Variants in ACTR3C observed in about 807,000 individuals in gnomAD.
ACTR3C encodes actin related protein 3C, also known as actin-related protein 3C.
ACTR3C carries 18 observed loss-of-function variants against 26.3 expected under a neutral mutation model. That is an observed-to-expected ratio of 0.68 (90% CI 0.47 to 1.01). ACTR3C has a LOEUF of 1.01. Ranked by LOEUF, ACTR3C falls within the 50% of genes least tolerant of loss-of-function variation. The probability of loss-of-function intolerance (pLI) is 0.00; values close to 1 mark genes in which losing one functional copy is unlikely to be tolerated. For synonymous variants in ACTR3C, 55 were observed against 94.5 expected, an observed-to-expected ratio of 0.58 and a Z score of 2.42; for missense variants, 184 against 250.7, an observed-to-expected ratio of 0.73 and a Z score of 1.80.
the ACTR3C span, among the ~76,000 whole-genome samples, chr7:149,884,979 G>C: frequency 1.3e-5 from 2 of 152,180 alleles, no homozygotes; most frequent in African/African-American, 2.4e-5. Flanking sequence ...CCCTGACACT[G>C]TTGACAATTT....
At chr7:150,173,046 C>T in the ACTR3C span, among the ~76,000 whole-genome samples, 3 of 149,604 alleles carry the variant, frequency 2.0e-5, no homozygotes, top group African/African-American at 7.7e-5. Context: ...TCCAGGTGAA[C>T]GGTGCAAGCT....
At chr7:150,034,078 G>A in the ACTR3C span, among the ~76,000 whole-genome samples, 1 of 151,390 alleles carries the variant, frequency 6.6e-6, no homozygotes, top group African/African-American at 2.4e-5. Flanking sequence ...CGCGGGGGGT[G>A]CCTCCCACCC....
At chr7:150,179,030 G>A in the ACTR3C span, among the ~76,000 whole-genome samples, 2 of 149,374 alleles carry the variant, frequency 1.3e-5, no homozygotes, top group Non-Finnish European at 2.9e-5. Context: ...TTCTTCTGGG[G>A]ACTTTTCTGA....
the ACTR3C span, among the ~76,000 whole-genome samples, chr7:150,119,195 C>G: frequency 6.6e-6 from 1 of 152,102 alleles, no homozygotes; most frequent in Non-Finnish European, 1.5e-5. Context: ...GGCAAAATAA[C>G]CAGCTACCAT....
At chr7:150,062,568 G>A in the ACTR3C span, among the ~76,000 whole-genome samples, 1 of 151,114 alleles carries the variant, frequency 6.6e-6, no homozygotes, top group Non-Finnish European at 1.5e-5. Context: ...AATCATGGTA[G>A]GCAAGTCTGT....
the ACTR3C span, among the ~76,000 whole-genome samples, chr7:149,938,071 T>G: frequency 6.6e-6 from 1 of 152,178 alleles, no homozygotes; most frequent in Non-Finnish European, 1.5e-5. Flanking sequence ...CCCAGCTATC[T>G]TCCCTGGGCA....
At chr7:150,160,260 T>C in the ACTR3C span, among the ~76,000 whole-genome samples, 1 of 151,986 alleles carries the variant, frequency 6.6e-6, no homozygotes, top group Non-Finnish European at 1.5e-5. Flanking sequence ...GCCGGAGGGG[T>C]CCTTCAGTTA....
the ACTR3C span, among the ~76,000 whole-genome samples, chr7:150,220,373 C>A: frequency 6.9e-6 from 1 of 145,568 alleles, no homozygotes; most frequent in African/African-American, 2.8e-5. Flanking sequence ...AGGGTGGCGA[C>A]AGAGGTGCGC....
the ACTR3C span, among the ~76,000 whole-genome samples, chr7:149,888,771 G>A: frequency 6.6e-6 from 1 of 152,150 alleles, no homozygotes; most frequent in Non-Finnish European, 1.5e-5. Context: ...ACTTTGGGAG[G>A]CCAAGGCGGG....
At chr7:149,911,581 CT>C in the ACTR3C span, among the ~76,000 whole-genome samples, 1 of 151,376 alleles carries the variant, frequency 6.6e-6, no homozygotes, top group African/African-American at 2.4e-5. Flanking sequence ...GAAAAAGAAT[CT>C]GATGGAACCA....
the ACTR3C span, among the ~76,000 whole-genome samples, chr7:150,015,761 T>C: frequency 0.14 from 16,874 of 123,330 alleles, 327 homozygotes; most frequent in African/African-American, 0.25. Flanking sequence ...GCCTACTCCA[T>C]GCCACAGTGA....
the ACTR3C span, among the ~76,000 whole-genome samples, chr7:149,972,928 GCAGCA>G: frequency 6.6e-6 from 1 of 151,268 alleles, no homozygotes; most frequent in African/African-American, 2.4e-5. Flanking sequence ...TAGTGAGTGG[GCAGCA>G]TGTCTGTCCC....
the ACTR3C span, among the ~76,000 whole-genome samples, chr7:150,060,485 CT>C: frequency 1.3e-5 from 2 of 152,232 alleles, no homozygotes; most frequent in Admixed American, 6.5e-5. Flanking sequence ...GATAGCACCC[CT>C]ATCTTTGCAA....
At chr7:150,042,107 T>G in the ACTR3C span, among the ~76,000 whole-genome samples, 2 of 73,892 alleles carry the variant, frequency 2.7e-5, 1 homozygote, top group Admixed American at 3.0e-4. Context: ...GGGGGGTGCC[T>G]CCCCCCTCTG....
chr7:149,980,487 T>G, the ACTR3C span, among the ~76,000 whole-genome samples: 1 of 152,230 alleles, frequency 6.6e-6, no homozygotes, highest in Non-Finnish European at 1.5e-5. Flanking sequence ...GGGACCCTGA[T>G]TTCTAAAGAT....
intron 1 of ACTR3C, among the ~76,000 whole-genome samples, chr7:150,306,600 A>G (rs546843356): frequency 4.0e-4 from 61 of 152,286 alleles, no homozygotes; most frequent in African/African-American, 1.4e-3. Flanking sequence ...TAATCCCAAC[A>G]CTTTGGGAGG....
the ACTR3C span, among the ~76,000 whole-genome samples, chr7:150,024,905 G>A: frequency 6.6e-6 from 1 of 151,470 alleles, no homozygotes; most frequent in African/African-American, 2.4e-5. Context: ...GTCTATTATT[G>A]AGAAGTCCTC....
chr7:150,037,909 C>T, the ACTR3C span, among the ~76,000 whole-genome samples: 1 of 135,648 alleles, frequency 7.4e-6, no homozygotes, highest in Admixed American at 7.1e-5. Flanking sequence ...CGCTCTCAGT[C>T]CCCGCGTCGC....
chr7:150,086,086 C>T, the ACTR3C span, among the ~76,000 whole-genome samples: 3 of 151,864 alleles, frequency 2.0e-5, no homozygotes, highest in Non-Finnish European at 4.4e-5. Context: ...AAGCAATAAG[C>T]GATTCTCGTG....
Sources: gnomAD v4.1 joint callset for allele counts (sites outside exome capture counted in the v4.1 genomes callset) on GRCh38, gnomAD v4.1.1 for gene constraint, MANE v1.5 for transcripts, NCBI Gene and HGNC (gene_info 2026-07-23, HGNC 2026-07-21) for gene names.